ARID5A: variants seen among roughly 807,000 people sequenced by gnomAD.
The protein encoded by ARID5A is AT-rich interactive domain-containing protein 5A.
A neutral mutation model predicts 30.5 loss-of-function variants in ARID5A; 14 were observed. The observed-to-expected ratio is 0.46, with a 90% confidence interval of 0.30 to 0.72. ARID5A has a LOEUF of 0.72. Among genes scored for constraint, ARID5A ranks in the 30% least tolerant of loss-of-function variants. The pLI is 0.07. For missense variants in ARID5A, 669 were observed against 786.2 expected, an observed-to-expected ratio of 0.85 and a Z score of 1.78; for synonymous variants, 338 against 340.4, an observed-to-expected ratio of 0.99 and a Z score of 0.08.
At chr2:96,538,442 T>A in intron 1 of ARID5A, 3 of 610,896 alleles carry the variant, frequency 4.9e-6, no homozygotes, top group Non-Finnish European at 6.2e-6. Context: ...CCCCAGACCC[T>A]GTCTCTCTCG....
Position 96,551,338 on chromosome 2 carries a change from G to A in ARID5A, c.810G>A (p.Val270=). The A allele has an allele frequency of 6.2e-7, 1 of 1,613,474 alleles. No homozygotes were observed. Among genetic ancestry groups the A allele is most frequent in the Non-Finnish European group, 8.5e-7 (1 of 1,179,966 alleles). ...AGCTCCTGGCCCAGGTGAGCAAGGT[G>A]GAGGCCTTGCAGTGCCAGGAGGAGG... ...KKKLLAQVSK[V]EALQCQEEGC... The change falls in exon 7 of 7, where the codon GTG becomes GTA. Residue 270 remains valine, a synonymous_variant. Transcript: ENST00000357485.
At chr2:96,540,038 G>C (rs2065818757) in intron 1 of ARID5A, among the ~76,000 whole-genome samples, 1 of 152,210 alleles carries the variant, frequency 6.6e-6, no homozygotes, top group South Asian at 2.1e-4. Flanking sequence ...CCCCAGGCAA[G>C]TTACTGAACC....
Position 96,550,066 on chromosome 2 carries a change from T to TGGAGCCGCAGAGCAGCTGCC in ARID5A, c.313-121_313-102dup. On this transcript the variant is annotated intron_variant, in intron 4 of 6. Transcript: ENST00000357485. The surrounding 1 kb of genome is among the most constrained non-coding windows in gnomAD (Gnocchi z 6.6). ...GGAGAGAGAATCGGCTGGCCGCTGC[T>TGGAGCCGCAGAGCAGCTGCC]GGAGCCGCAGAGCAGCTGCCAAACT... The TGGAGCCGCAGAGCAGCTGCC allele has an allele frequency of 6.5e-7, 1 of 1,532,332 alleles. No homozygotes were observed. The highest frequency in any genetic ancestry group is 8.7e-7 in the Non-Finnish European group (1 of 1,145,630). The allele number at this position is 1,532,332 out of a possible 1,614,324, so 94.9% of individuals were successfully genotyped here.
Position 96,550,913 on chromosome 2 carries a change from T to G in ARID5A, c.570+180T>G, listed in dbSNP as rs1379305200. On this transcript the variant is annotated intron_variant, in intron 6 of 6. Coordinates refer to ENST00000357485, the MANE Select transcript of ARID5A (RefSeq NM_212481.3). This position sits in a 1 kb window ranked among gnomAD's most constrained non-coding sequence, Gnocchi z 6.6. ...TGCAAGTGGACTCTGAACTCCAGCCTGCGCCCACCCACCAGGCACCTGAGG... is the reference window on the plus strand; with the variant it reads ...TGCAAGTGGACTCTGAACTCCAGCCGGCGCCCACCCACCAGGCACCTGAGG... Among the ~76,000 whole-genome samples the G allele has an allele frequency of 1.3e-5, 2 of 152,146 alleles. No homozygotes were observed. Among genetic ancestry groups the G allele is most frequent in the Non-Finnish European group, 2.9e-5 (2 of 68,000 alleles).
intron 2 of ARID5A, among the ~76,000 whole-genome samples, chr2:96,548,429 CTA>C (rs2065967059): frequency 6.6e-6 from 1 of 152,122 alleles, no homozygotes; most frequent in Non-Finnish European, 1.5e-5. Flanking sequence ...CCAGGCCTGG[CTA>C]ATTTTTGTAT....
In ARID5A at chr2:96,539,685, T is replaced by G. The variant is rs542345287; in HGVS notation, c.4+2855T>G. The stretch of plus-strand genomic sequence containing the variant: ...CCTCCCCGACCCAGGCCAGGGAAGT[T>G]GATTCATAGAGTGTGGGGGCCATGC... On this transcript the variant is annotated intron_variant, in intron 1 of 6. Transcript: ENST00000357485. This position sits in a 1 kb window ranked among gnomAD's most constrained non-coding sequence, Gnocchi z 4.7. Among the ~76,000 whole-genome samples, 10 of 152,302 alleles carry G rather than the reference T, an allele frequency of 6.6e-5. No homozygotes were observed. Among genetic ancestry groups the G allele is most frequent in the African/African-American group, 2.2e-4 (9 of 41,560 alleles).
Position 96,540,772 on chromosome 2 carries a change from C to T in ARID5A, c.4+3942C>T, listed in dbSNP as rs1322772338. On this transcript the variant is annotated intron_variant, in intron 1 of 6. Coordinates refer to ENST00000357485, the MANE Select transcript of ARID5A (RefSeq NM_212481.3). ...TTTGTTTGTTTGTTTGTTTTGGAGA[C>T]GGAGTCTCTGTCACCCAGGCTGGAG... 2.6e-5 allele frequency among the ~76,000 whole-genome samples: 4 copies of T among 152,214 alleles called. No individual in the cohort carries two copies. In the South Asian group the frequency reaches 6.2e-4, roughly 24 times the overall value.
At chr2:96,545,160 T>G (rs532362123) in intron 1 of ARID5A, among the ~76,000 whole-genome samples, 2 of 146,574 alleles carry the variant, frequency 1.4e-5, no homozygotes, top group African/African-American at 5.0e-5. Flanking sequence ...CTTTTTCTTT[T>G]TTTTTTTTTT....
chr2:96,545,870 C>T (rs2104686069), intron 1 of ARID5A, among the ~76,000 whole-genome samples: 1 of 152,056 alleles, frequency 6.6e-6, no homozygotes, highest in South Asian at 2.1e-4. Context: ...AGGAGAATCA[C>T]TTGAACCTGG....
chr2:96,542,019 T>G (rs937366579), intron 1 of ARID5A, among the ~76,000 whole-genome samples: 1 of 152,224 alleles, frequency 6.6e-6, no homozygotes, highest in African/African-American at 2.4e-5. Context: ...AGGTCCTGCC[T>G]GCCTGGCTCC....
chr2:96,550,117 C>T lies in ARID5A; in HGVS notation c.313-71C>T. On this transcript the variant is annotated intron_variant, in intron 4 of 6. Coordinates refer to ENST00000357485, the MANE Select transcript of ARID5A (RefSeq NM_212481.3). The surrounding 1 kb of genome is among the most constrained non-coding windows in gnomAD (Gnocchi z 6.6). Reference sequence around the variant, plus strand: ...GCAGTCCTTCGAGTCCCTGCGAGGGCGGCCGGAGCTGCAAGGACCCCGCCG... The same window carrying T: ...GCAGTCCTTCGAGTCCCTGCGAGGGTGGCCGGAGCTGCAAGGACCCCGCCG... The T allele has an allele frequency of 6.5e-7, 1 of 1,531,538 alleles. No individual in the cohort carries two copies. The allele number at this position is 1,531,538 out of a possible 1,614,324, so 94.9% of individuals were successfully genotyped here.
chr2:96,543,455 G>A (rs2104676008), intron 1 of ARID5A, among the ~76,000 whole-genome samples: 1 of 152,018 alleles, frequency 6.6e-6, no homozygotes, highest in Middle Eastern at 3.4e-3. Flanking sequence ...TGCTCACTTT[G>A]TGTCTCGGTG....
In ARID5A at chr2:96,551,348, C is replaced by A. The variant is rs761375447; in HGVS notation, c.820C>A (p.Gln274Lys). The change falls in exon 7 of 7, where the codon CAG (glutamine) becomes AAG (lysine). Residue 274 changes from glutamine (Q) to lysine (K), a missense_variant. Transcript: ENST00000357485. ...LAQVSKVEALQCQEEGCRHGA... is the reference protein window; with the variant it reads ...LAQVSKVEALKCQEEGCRHGA... ...CCAGGTGAGCAAGGTGGAGGCCTTG[C>A]AGTGCCAGGAGGAGGGCTGCCGCCA... 4.3e-6 allele frequency: 7 copies of A among 1,613,210 alleles called. No homozygotes were observed. In the South Asian group the frequency reaches 6.6e-5, roughly 15 times the overall value.
chr2:96,539,736 C>T lies in ARID5A; in HGVS notation c.4+2906C>T, dbSNP rs1056375014. Among the ~76,000 whole-genome samples the T allele has an allele frequency of 1.4e-4, 21 of 152,096 alleles. No individual in the cohort carries two copies. The highest frequency in any genetic ancestry group is 5.8e-4 in the East Asian group (3 of 5,186). On this transcript the variant is annotated intron_variant, in intron 1 of 6. Transcript: ENST00000357485. This position sits in a 1 kb window ranked among gnomAD's most constrained non-coding sequence, Gnocchi z 4.7. ...CCCTTCCCGGCCCTCCCCCTCTCCC[C>T]GCTGCTGCCCAGCTCTCTGACCAGC...
chr2:96,552,176 G>A lies in ARID5A; in HGVS notation c.1648G>A (p.Gly550Ser). Residue 550 changes from glycine (G) to serine (S), a missense_variant, in exon 7 of 7, where the codon GGC (glycine) becomes AGC (serine). Physicochemically the swap from Gly to Ser is moderately conservative, Grantham distance 56. Transcript: ENST00000357485. ...CGCAGGCCCCTCGCCCATGGCCGCT[G>A]GCCTGATGCACTTCCCCCCAACGTC... ...ATAGPSPMAA[G>S]LMHFPPTSFD... The A allele has an allele frequency of 6.2e-7, 1 of 1,613,370 alleles. No individual in the cohort carries two copies.
rs2065767426 is a variant in ARID5A at position 96,537,816 on chromosome 2, A to G, written c.4+986A>G. On this transcript the variant is annotated intron_variant, in intron 1 of 6. Coordinates refer to ENST00000357485, the MANE Select transcript of ARID5A (RefSeq NM_212481.3). The surrounding 1 kb of genome is among the most constrained non-coding windows in gnomAD (Gnocchi z 4.8). ...CGGCGTGGTGGGGCTTGCGCGGTGC[A>G]GGACCCCCGAGGGCCCAGGGGGTCC... 1 of 963,836 alleles carries G rather than the reference A, an allele frequency of 1.0e-6. No individual in the cohort carries two copies. 59.7% of individuals were successfully genotyped at this position (963,836 alleles called of 1,614,324 possible). A position where few individuals can be genotyped will look rare whatever the true frequency, so the allele number is the denominator to read the frequency against.
intron 2 of ARID5A, among the ~76,000 whole-genome samples, chr2:96,547,974 T>C (rs2065958747): frequency 6.6e-6 from 1 of 152,192 alleles, no homozygotes; most frequent in African/African-American, 2.4e-5. Context: ...TGGAAAAATA[T>C]CCTGATTCAT....
chr2:96,549,266 CCAG>C lies in ARID5A; in HGVS notation c.121-50_121-48del. On this transcript the variant is annotated intron_variant, in intron 2 of 6. Coordinates refer to ENST00000357485, the MANE Select transcript of ARID5A (RefSeq NM_212481.3). This position sits in a 1 kb window ranked among gnomAD's most constrained non-coding sequence, Gnocchi z 6.1. ...TGCAGCCAGTGGTTTCTGCACATCC[CCAG>C]CAGCCAGCCACCAACTGGGGCCCAT... 2 of 1,588,574 alleles carry C rather than the reference CCAG, an allele frequency of 1.3e-6. No individual in the cohort carries two copies. The highest frequency in any genetic ancestry group is 2.7e-5 in the African/African-American group (2 of 74,084).
Position 96,541,187 on chromosome 2 carries a change from GCCA to G in ARID5A, c.4+4363_4+4365del, listed in dbSNP as rs553470396. Among the ~76,000 whole-genome samples the G allele has an allele frequency of 1.1e-4, 16 of 151,542 alleles. 2 individuals are homozygous for G. The highest frequency in any genetic ancestry group is 3.9e-4 in the African/African-American group (16 of 41,220). On this transcript the variant is annotated intron_variant, in intron 1 of 6. Coordinates refer to ENST00000357485, the MANE Select transcript of ARID5A (RefSeq NM_212481.3). The stretch of plus-strand genomic sequence containing the variant: ...TGAGTAGCTGGGACTACAGGCATGC[GCCA>G]CCACCCCCAGCTAATTTTTGTATTT...
Sources: allele counts gnomAD v4.1 joint callset (sites outside exome capture counted in the v4.1 genomes callset), GRCh38; gene constraint gnomAD v4.1.1; non-coding constraint Gnocchi (gnomAD v3.1); transcripts MANE v1.5; gene names NCBI Gene and HGNC (gene_info 2026-07-23, HGNC 2026-07-21).